The following TEX15 variants were observed in gnomAD, a reference collection of about 807,000 sequenced individuals.
The protein encoded by TEX15 is testis expressed 15, meiosis and synapsis associated.
Under a neutral mutation model 237.3 loss-of-function variants are expected in TEX15, and 171 were observed. The observed-to-expected ratio is 0.72, with a 90% CI of 0.64 to 0.82. The LOEUF is 0.82. Ranked by LOEUF, TEX15 falls within the 40% of genes least tolerant of loss-of-function variation. The pLI is 0.00. For synonymous variants in TEX15, 1,338 were observed against 1,269.8 expected, an observed-to-expected ratio of 1.05 and a Z score of -1.14; for missense variants, 3,750 against 3,646.5, an observed-to-expected ratio of 1.03 and a Z score of -0.73.
At chr8:30,871,364 C>T (rs1808288025) in intron 4 of TEX15, among the ~76,000 whole-genome samples, 1 of 152,078 alleles carries the variant, frequency 6.6e-6, no homozygotes, top group Non-Finnish European at 1.5e-5. Flanking sequence ...TCTCCCTCTG[C>T]TGTGCACAGC....
In TEX15 at chr8:30,847,003, A is replaced by G. The variant is rs147781759; in HGVS notation, c.3164T>C (p.Ile1055Thr). ...SINENLVLQSIELESEIEIEL... is the reference protein window; with the variant it reads ...SINENLVLQSTELESEIEIEL... Reference sequence around the variant, plus strand: ...TATTTCAATTTCACTTTCCAATTCAATGCTCTGAAGAACTAAGTTCTCATT... The same window carrying G: ...TATTTCAATTTCACTTTCCAATTCAGTGCTCTGAAGAACTAAGTTCTCATT... Residue 1055 changes from isoleucine to threonine, a missense_variant, in exon 8 of 11, where the codon ATT becomes ACT. Coordinates refer to ENST00000643185, the MANE Select transcript of TEX15 (RefSeq NM_001350162.2). The G allele has an allele frequency of 1.7e-4, 280 of 1,613,470 alleles. No individual in the cohort carries two copies. In the African/African-American group the frequency reaches 2.5e-3, roughly 14 times the overall value.
intron 7 of TEX15, among the ~76,000 whole-genome samples, chr8:30,852,853 TG>T (rs539737603): frequency 2.8e-4 from 43 of 152,230 alleles, no homozygotes; most frequent in Non-Finnish European, 4.6e-4. Context: ...AAATGTTATC[TG>T]TGGTAGCTAC....
At chr8:30,839,545 C>A (rs1401800560) in intron 9 of TEX15, among the ~76,000 whole-genome samples, 1 of 152,022 alleles carries the variant, frequency 6.6e-6, no homozygotes, top group Admixed American at 6.5e-5. Context: ...TGTATTGTAT[C>A]GTATCTTGTA....
intron 2 of TEX15, chr8:30,888,618 A>T (rs746502796): frequency 1.6e-6 from 2 of 1,289,248 alleles, no homozygotes; most frequent in South Asian, 2.5e-5. Flanking sequence ...AATATATATA[A>T]GCAGGTATTT....
chr8:30,843,263 T>C lies in TEX15; in HGVS notation c.6904A>G (p.Arg2302Gly). 2 of 1,612,564 alleles carry C rather than the reference T, an allele frequency of 1.2e-6. No individual in the cohort carries two copies. Among genetic ancestry groups the C allele is most frequent in the Non-Finnish European group, 1.7e-6 (2 of 1,179,462 alleles). Reference protein sequence around the residue: ...SQKKDEERLLRVNKCAFSKLQ... With the variant: ...SQKKDEERLLGVNKCAFSKLQ... ...TTAGAAAAGGCACATTTATTCACTCTGAGTAGCCTTTCTTCGTCCTTCTTT... is the reference window on the plus strand; with the variant it reads ...TTAGAAAAGGCACATTTATTCACTCCGAGTAGCCTTTCTTCGTCCTTCTTT... The change falls in exon 8 of 11, where the codon AGA (arginine) becomes GGA (glycine). Residue 2302 changes from arginine (R) to glycine (G), a missense_variant. Coordinates refer to ENST00000643185, the MANE Select transcript of TEX15 (RefSeq NM_001350162.2).
intron 1 of TEX15, among the ~76,000 whole-genome samples, chr8:30,909,394 A>ACCCCCCCCCCCCCCCCCCCCCCCCC (rs35046956): frequency 5.1e-5 from 6 of 118,340 alleles, no homozygotes; most frequent in African/African-American, 1.4e-4. Context: ...TTAAAGACAG[A>ACCCCCCCCCCCCCCCCCCCCCCCCC]CCCCCCCCCG....
Position 30,846,347 on chromosome 8 carries a change from CATCATCTATTGTTGTGACATTAG to C in TEX15, c.3797_3819del (p.Ser1266TrpfsTer12), listed in dbSNP as rs1211978011. 1 of 1,612,862 alleles carries C rather than the reference CATCATCTATTGTTGTGACATTAG, an allele frequency of 6.2e-7. No homozygotes were observed. Among genetic ancestry groups the C allele is most frequent in the Non-Finnish European group, 8.5e-7 (1 of 1,179,624 alleles). The stretch of plus-strand genomic sequence containing the variant: ...GATTTTGTAAAGAAACATCTGCTTC[CATCATCTATTGTTGTGACATTAG>C]AAGGTTCAGTAAACAAAGATTCACT... On this transcript the variant is annotated frameshift_variant, in exon 8 of 11. Coordinates refer to ENST00000643185, the MANE Select transcript of TEX15 (RefSeq NM_001350162.2). LOFTEE classifies it high-confidence loss of function.
At position 30,842,885 on chromosome 8, in the gene TEX15, TCAC is replaced by T. The variant is rs749630620; in HGVS notation, c.7279_7281del (p.Val2427del). Reference sequence around the variant, plus strand: ...ATGATAGCCTCATGGCTGTGGTTTATCACCACGTCTAAAACATTTTCTTCTGTG... The same window carrying T: ...ATGATAGCCTCATGGCTGTGGTTTATCACGTCTAAAACATTTTCTTCTGTG... On this transcript the variant is annotated inframe_deletion, in exon 8 of 11. Coordinates refer to ENST00000643185, the MANE Select transcript of TEX15 (RefSeq NM_001350162.2). The T allele has an allele frequency of 1.6e-4, 265 of 1,610,482 alleles. No homozygotes were observed. Among genetic ancestry groups the T allele is most frequent in the Admixed American group, 6.0e-4 (36 of 59,644 alleles).
In TEX15 at chr8:30,843,498, C is replaced by T. The variant is rs148176560; in HGVS notation, c.6669G>A (p.Gly2223=). Residue 2223 remains glycine, a synonymous_variant, in exon 8 of 11, where the codon GGG becomes GGA. Coordinates refer to ENST00000643185, the MANE Select transcript of TEX15 (RefSeq NM_001350162.2). Reference sequence around the variant, plus strand: ...GATACGAATGAACTTTAGGAGAGTCCCCACATACATTGATCAACTTTAAAG... The same window carrying T: ...GATACGAATGAACTTTAGGAGAGTCTCCACATACATTGATCAACTTTAAAG... ...KSTLKLINVC[G]DSPKVHSYPG... is the part of the protein sequence containing the mutation. 37 of 1,612,836 alleles carry T rather than the reference C, an allele frequency of 2.3e-5. No homozygotes were observed. The African/African-American group carries it at 4.4e-4, about 19-fold the overall frequency.
At chr8:30,852,024 T>A (rs1303593162) in intron 7 of TEX15, among the ~76,000 whole-genome samples, 1 of 151,974 alleles carries the variant, frequency 6.6e-6, no homozygotes, top group Non-Finnish European at 1.5e-5. Flanking sequence ...ATACACATAA[T>A]GTTAACAAAA....
chr8:30,845,080 A>G lies in TEX15; in HGVS notation c.5087T>C (p.Ile1696Thr), dbSNP rs1261042581. 1.9e-6 allele frequency: 3 copies of G among 1,613,542 alleles called. No individual in the cohort carries two copies. Among genetic ancestry groups the G allele is most frequent in the Non-Finnish European group, 2.5e-6 (3 of 1,179,518 alleles). The change falls in exon 8 of 11, where the codon ATT becomes ACT. Residue 1696 changes from isoleucine (I) to threonine (T), a missense_variant. Transcript: ENST00000643185. Reference protein sequence around the residue: ...DPIERPKQNIITGNFLMGPLN... With the variant: ...DPIERPKQNITTGNFLMGPLN... Reference sequence around the variant, plus strand: ...TGGGCCCATAAGGAAGTTTCCTGTAATAATGTTTTGTTTGGGTCTCTCAAT... The same window carrying G: ...TGGGCCCATAAGGAAGTTTCCTGTAGTAATGTTTTGTTTGGGTCTCTCAAT...
intron 3 of TEX15, among the ~76,000 whole-genome samples, chr8:30,883,436 ACATAGAT>A (rs1329681830): frequency 1.3e-5 from 2 of 151,586 alleles, no homozygotes; most frequent in African/African-American, 4.9e-5. Context: ...CAGGTTTGTT[ACATAGAT>A]GTATGTGTGC....
At chr8:30,900,152 A>G (rs1398951841) in intron 1 of TEX15, among the ~76,000 whole-genome samples, 1 of 152,230 alleles carries the variant, frequency 6.6e-6, no homozygotes, top group African/African-American at 2.4e-5. Flanking sequence ...CATATAAATA[A>G]AAGAACATCT....
Position 30,898,540 on chromosome 8 carries a change from A to C in TEX15, c.-10+202T>G, listed in dbSNP as rs530839723. ...GTTTATATTATGTTGTAGTGGCCCG[A>C]GTAGATTAAGACAGTACCCAATAAC... is the stretch of plus-strand genomic sequence containing the variant. On this transcript the variant is annotated intron_variant, in intron 2 of 10. Coordinates refer to ENST00000643185, the MANE Select transcript of TEX15 (RefSeq NM_001350162.2). 2.0e-5 allele frequency among the ~76,000 whole-genome samples: 3 copies of C among 152,334 alleles called. No individual in the cohort carries two copies. The East Asian group carries it at 5.8e-4, about 29-fold the overall frequency.
Position 30,867,452 on chromosome 8 carries a change from A to C in TEX15, c.353T>G (p.Phe118Cys). The C allele has an allele frequency of 6.5e-7, 1 of 1,534,786 alleles. No individual in the cohort carries two copies. The highest frequency in any genetic ancestry group is 8.7e-7 in the Non-Finnish European group (1 of 1,146,014). The change falls in exon 5 of 11, where the codon TTC becomes TGC. Residue 118 changes from phenylalanine to cysteine, a missense_variant. Transcript: ENST00000643185. ...GRHCRELEEQFCFLALPQSDV... is the reference protein window; with the variant it reads ...GRHCRELEEQCCFLALPQSDV... ...ACTCTGGGGAAGTGCTAAAAAGCAG[A>C]ACTGTTCTTCAAGTTCCCTGCAATG... is the stretch of plus-strand genomic sequence containing the variant.
Position 30,833,220 on chromosome 8 carries a change from A to T in TEX15, c.*66T>A. Reference sequence around the variant, plus strand: ...CATTAAAAATCGCTAAATGTTAAAAAATATATAAGTAAAAAATATTTGGAA... The same window carrying T: ...CATTAAAAATCGCTAAATGTTAAAATATATATAAGTAAAAAATATTTGGAA... On this transcript the variant is annotated 3_prime_UTR_variant, in exon 11 of 11. Coordinates refer to ENST00000643185, the MANE Select transcript of TEX15 (RefSeq NM_001350162.2). 8.9e-7 allele frequency: 1 copy of T among 1,118,360 alleles called. No homozygotes were observed. Among genetic ancestry groups the T allele is most frequent in the Non-Finnish European group, 1.3e-6 (1 of 782,556 alleles). 69.3% of individuals were successfully genotyped at this position (1,118,360 alleles called of 1,614,324 possible). A position where few individuals can be genotyped will look rare whatever the true frequency, so the allele number is the denominator to read the frequency against.
chr8:30,854,227 C>A (rs376072248), intron 7 of TEX15, among the ~76,000 whole-genome samples: 39 of 75,598 alleles, frequency 5.2e-4, no homozygotes, highest in South Asian at 1.2e-3. Flanking sequence ...AAAACAAAAA[C>A]AAAATTTATA....
Position 30,860,073 on chromosome 8 carries a change from CCAAAAAAAAAGT to C in TEX15, c.541-28_541-17del. 7.3e-7 allele frequency: 1 copy of C among 1,370,880 alleles called. No individual in the cohort carries two copies. Among genetic ancestry groups the C allele is most frequent in the South Asian group, 1.5e-5 (1 of 66,610 alleles). The allele number at this position is 1,370,880 out of a possible 1,614,324, so 84.9% of individuals were successfully genotyped here. ...CAAAGAGAACCTAAAAAAAAAAAAGCCAAAAAAAAAGTACGTAAAAATATACCAAAACGTTTC... is the reference window on the plus strand; with the variant it reads ...CAAAGAGAACCTAAAAAAAAAAAAGCACGTAAAAATATACCAAAACGTTTC... On this transcript the variant is annotated splice_polypyrimidine_tract_variant and intron_variant, in intron 5 of 10. Coordinates refer to ENST00000643185, the MANE Select transcript of TEX15 (RefSeq NM_001350162.2).
At chr8:30,874,880 A>C (rs1808369469) in intron 4 of TEX15, 57 bp downstream of exon 4, 1 of 1,057,074 alleles carries the variant, frequency 9.5e-7, no homozygotes, top group African/African-American at 1.6e-5. Flanking sequence ...TTAGCATAAA[A>C]CTCCATAGTA....
Sources: allele counts gnomAD v4.1 joint callset (sites outside exome capture counted in the v4.1 genomes callset), GRCh38; gene constraint gnomAD v4.1.1; transcripts MANE v1.5; gene names NCBI Gene and HGNC (gene_info 2026-07-23, HGNC 2026-07-21).